Variants in BLTP3B observed in about 807,000 individuals in gnomAD.
BLTP3B encodes the protein bridge-like lipid transfer protein family member 3B, also known as UHRF1 (ICBP90) binding protein 1-like.
the BLTP3B span, chr12:100,039,510 A>G: frequency 3.8e-6 from 5 of 1,316,118 alleles, no homozygotes; most frequent in Non-Finnish European, 5.2e-6. Context: ...TTTTATTAAA[A>G]TAAGTAAACA....
At chr12:100,114,520 G>A in the BLTP3B span, among the ~76,000 whole-genome samples, 4 of 152,114 alleles carry the variant, frequency 2.6e-5, no homozygotes, top group Non-Finnish European at 2.9e-5. Context: ...TCCCTACAAG[G>A]ATGAAATTCT....
the BLTP3B span, among the ~76,000 whole-genome samples, chr12:100,061,653 T>G: frequency 8.5e-6 from 1 of 118,114 alleles, no homozygotes; most frequent in Admixed American, 9.8e-5. Context: ...CGAGACTCCG[T>G]CTCAAAAAAA....
At chr12:100,128,799 TA>T in the BLTP3B span, 6 of 1,166,352 alleles carry the variant, frequency 5.1e-6, no homozygotes, top group Non-Finnish European at 6.5e-6. Context: ...GAATGATGAT[TA>T]AAAAAATTTA....
chr12:100,045,406 G>A, the BLTP3B span, among the ~76,000 whole-genome samples: 1 of 151,992 alleles, frequency 6.6e-6, no homozygotes, highest in African/African-American at 2.4e-5. Context: ...CATAACAGAG[G>A]CCTGACAAAT....
At chr12:100,060,390 G>A in the BLTP3B span, among the ~76,000 whole-genome samples, 2 of 152,080 alleles carry the variant, frequency 1.3e-5, no homozygotes, top group African/African-American at 4.8e-5. Flanking sequence ...TATTTACCAA[G>A]AAGCAAACCT....
At chr12:100,125,001 C>CAT in the BLTP3B span, among the ~76,000 whole-genome samples, 4,730 of 75,314 alleles carry the variant, frequency 0.063, 137 homozygotes, top group East Asian at 0.078. Flanking sequence ...TATTAAGGTC[C>CAT]ATATATATAT....
At chr12:100,059,791 C>A in the BLTP3B span, 11 of 1,505,554 alleles carry the variant, frequency 7.3e-6, no homozygotes, top group Middle Eastern at 1.1e-3. Flanking sequence ...CATATACGCA[C>A]AAATCATAAA....
chr12:100,098,347 G>T, the BLTP3B span: 1 of 1,560,230 alleles, frequency 6.4e-7, no homozygotes, highest in Non-Finnish European at 8.7e-7. Context: ...AGAAAAAAAT[G>T]TTACCTCTCC....
the BLTP3B span, among the ~76,000 whole-genome samples, chr12:100,135,869 C>T: frequency 6.6e-6 from 1 of 152,060 alleles, no homozygotes; most frequent in African/African-American, 2.4e-5. Context: ...TTTAAATAAG[C>T]AACTAGTACA....
At chr12:100,087,884 C>G in the BLTP3B span, among the ~76,000 whole-genome samples, 3 of 152,150 alleles carry the variant, frequency 2.0e-5, no homozygotes, top group Admixed American at 6.5e-5. Context: ...TTGGTTTGTT[C>G]TAACTTTTTT....
chr12:100,124,373 C>T, the BLTP3B span, among the ~76,000 whole-genome samples: 1 of 149,674 alleles, frequency 6.7e-6, no homozygotes. Context: ...GAGGCTGAGG[C>T]AAGGAGGACT....
At chr12:100,118,397 A>G in the BLTP3B span, among the ~76,000 whole-genome samples, 1 of 133,764 alleles carries the variant, frequency 7.5e-6, no homozygotes, top group Non-Finnish European at 1.7e-5. Context: ...CTCAAAACAA[A>G]ACAAAACAAA....
the BLTP3B span, among the ~76,000 whole-genome samples, chr12:100,133,680 T>C: frequency 6.6e-6 from 1 of 152,222 alleles, no homozygotes; most frequent in Non-Finnish European, 1.5e-5. Flanking sequence ...ACAAATCCCT[T>C]CTGATTCCAG....
the BLTP3B span, among the ~76,000 whole-genome samples, chr12:100,138,357 C>T: frequency 6.6e-6 from 1 of 152,216 alleles, no homozygotes; most frequent in African/African-American, 2.4e-5. Flanking sequence ...AACAACTTTA[C>T]TAGCACAGAA....
At chr12:100,106,478 C>T in the BLTP3B span, among the ~76,000 whole-genome samples, 1 of 152,108 alleles carries the variant, frequency 6.6e-6, no homozygotes, top group African/African-American at 2.4e-5. Flanking sequence ...GAACTGGAGG[C>T]CATTATTCTA....
the BLTP3B span, chr12:100,072,826 A>G: frequency 1.3e-5 from 21 of 1,581,584 alleles, no homozygotes; most frequent in East Asian, 2.3e-5. Flanking sequence ...GAAAAGATAA[A>G]TAAGTTTACT....
At chr12:100,077,711 T>C in the BLTP3B span, among the ~76,000 whole-genome samples, 298 of 152,364 alleles carry the variant, frequency 2.0e-3, no homozygotes, top group Middle Eastern at 6.8e-3. Flanking sequence ...CACAGACTTA[T>C]CAAAATAAAC....
At chr12:100,045,048 T>A in the BLTP3B span, among the ~76,000 whole-genome samples, 3 of 152,154 alleles carry the variant, frequency 2.0e-5, no homozygotes, top group East Asian at 5.8e-4. Context: ...ACAAGGGAAG[T>A]GAGGGACCTC....
chr12:100,046,170 A>G, the BLTP3B span, among the ~76,000 whole-genome samples: 1 of 152,206 alleles, frequency 6.6e-6, no homozygotes, highest in African/African-American at 2.4e-5. Flanking sequence ...CAGTGTGGCG[A>G]TTCCTCAAGG....
Sources: allele counts gnomAD v4.1 joint callset (sites outside exome capture counted in the v4.1 genomes callset), GRCh38; gene constraint gnomAD v4.1.1; transcripts MANE v1.5; gene names NCBI Gene and HGNC (gene_info 2026-07-23, HGNC 2026-07-21).